Variants in GAS6 observed in about 807,000 individuals in gnomAD.
The protein encoded by GAS6 is growth arrest specific 6.
In GAS6, 41 loss-of-function variants were observed where a neutral mutation model predicts 75.8. The observed-to-expected ratio is 0.54, with a 90% CI of 0.42 to 0.70. The LOEUF is 0.70. Ranked by LOEUF, GAS6 falls within the 30% of genes least tolerant of loss-of-function variation. The probability of loss-of-function intolerance (pLI) is 0.00; values close to 1 mark genes in which losing one functional copy is unlikely to be tolerated. For missense variants in GAS6, 854 were observed against 940.2 expected (o/e 0.91, Z 1.20); for synonymous variants, 432 against 412.6 (o/e 1.05, Z -0.57).
chr13:113,843,187 C>T (rs1274528049), intron 4 of GAS6: 2 of 243,680 alleles, frequency 8.2e-6, no homozygotes, highest in Admixed American at 1.1e-4. Context: ...CCCCGCCCAC[C>T]TCCCTGATCC....
At chr13:113,840,530 C>T (rs183682448) in intron 4 of GAS6, 17 of 152,416 alleles carry the variant, frequency 1.1e-4, no homozygotes, top group Admixed American at 2.6e-4. Flanking sequence ...GTCCCCCATC[C>T]GAGAAGCTGC....
At position 113,844,122 on chromosome 13, in the gene GAS6, AGGGAGAG is replaced by A. The variant is rs1477227205; in HGVS notation, c.343+2398_343+2404del. On this transcript the variant is annotated intron_variant, in intron 4 of 14. Coordinates refer to ENST00000327773, the MANE Select transcript of GAS6 (RefSeq NM_000820.4). This position sits in a 1 kb window ranked among gnomAD's most constrained non-coding sequence, Gnocchi z 5.7. ...CAGGGCAGCCTCTGAGGGCCGGCTC[AGGGAGAG>A]TGGCCGGAGCTTCTGGCCTGGGGCA... is the stretch of plus-strand genomic sequence containing the variant. 1 of 150,886 alleles carries A rather than the reference AGGGAGAG, an allele frequency of 6.6e-6. No homozygotes were observed. Among genetic ancestry groups the A allele is most frequent in the African/African-American group, 2.5e-5 (1 of 40,212 alleles). The allele number at this position is 150,886 out of a possible 1,614,324, so 9.3% of individuals were successfully genotyped here.
intron 2 of GAS6, among the ~76,000 whole-genome samples, chr13:113,858,178 AAAGAG>A (rs763702094): frequency 1.3e-3 from 204 of 152,360 alleles, no homozygotes; most frequent in Admixed American, 4.6e-3. Flanking sequence ...AAAGTTGTAG[AAAGAG>A]AAAAGTGTGT....
rs538092019 is a variant in GAS6 at position 113,820,695 on chromosome 13, C to G, written c.*169G>C. 3.8e-6 allele frequency: 3 copies of G among 785,868 alleles called. No homozygotes were observed. The highest frequency in any genetic ancestry group is 2.9e-5 in the Admixed American group (1 of 34,146). 48.7% of individuals were successfully genotyped at this position (785,868 alleles called of 1,614,324 possible). A position where few individuals can be genotyped will look rare whatever the true frequency, so the allele number is the denominator to read the frequency against. On this transcript the variant is annotated 3_prime_UTR_variant, in exon 15 of 15. Transcript: ENST00000327773. ...GCGCCCGGGCCCACGGCTGAGTGCG[C>G]GGCGTCAGAGGCCCCAAGTCCATCT...
In GAS6 at chr13:113,832,493, GCACC is replaced by G; in HGVS notation, c.954-9_954-6del. The G allele has an allele frequency of 6.3e-7, 1 of 1,595,926 alleles. No homozygotes were observed. The highest frequency in any genetic ancestry group is 1.1e-5 in the South Asian group (1 of 88,792). ...AAGTCAAACTCAGCTACCAGCCTGGGCACCCACAGGAGAAATGAGTCAGCACTGG... is the reference window on the plus strand; with the variant it reads ...AAGTCAAACTCAGCTACCAGCCTGGGCACAGGAGAAATGAGTCAGCACTGG... On this transcript the variant is annotated splice_region_variant and splice_polypyrimidine_tract_variant and intron_variant, in intron 9 of 14. Transcript: ENST00000327773.
chr13:113,842,422 C>T, intron 4 of GAS6: 1 of 395,012 alleles, frequency 2.5e-6, no homozygotes. Flanking sequence ...GGACCAGGAC[C>T]AGGGATTCTG....
chr13:113,832,682 C>T lies in GAS6; in HGVS notation c.905G>A (p.Ser302Asn), dbSNP rs374837053. The T allele has an allele frequency of 6.2e-7, 1 of 1,612,768 alleles. No individual in the cohort carries two copies. Among genetic ancestry groups the T allele is most frequent in the Non-Finnish European group, 8.5e-7 (1 of 1,179,976 alleles). ...VKSLYLGRMF[S>N]GTPVIRLRFK... ...GCGCAGTCGGATCACGGGGGTCCCA[C>T]TGAACATCCGGCCCAGGTACAAGGA... The change falls in exon 9 of 15, where the codon AGT becomes AAT. Residue 302 changes from serine (S) to asparagine (N), a missense_variant. By Grantham distance (46) the Ser-to-Asn change is conservative. Coordinates refer to ENST00000327773, the MANE Select transcript of GAS6 (RefSeq NM_000820.4).
At position 113,832,349 on chromosome 13, in the gene GAS6, C is replaced by A; in HGVS notation, c.1093G>T (p.Gly365Cys). ...ACCGGGCCGCTGCTGGTGACACGGC[C>A]GACACCGTTGTAGCGCAGCTGCAGC... ...LELQLRYNGV[G>C]RVTSSGPVIN... The change falls in exon 10 of 15, where the codon GGC (glycine) becomes TGC (cysteine). Residue 365 changes from glycine to cysteine, a missense_variant. Transcript: ENST00000327773. 1.2e-6 allele frequency: 2 copies of A among 1,605,898 alleles called. No homozygotes were observed. The highest frequency in any genetic ancestry group is 8.5e-7 in the Non-Finnish European group (1 of 1,179,854).
chr13:113,840,652 C>T (rs749551194), intron 4 of GAS6: 1 of 152,272 alleles, frequency 6.6e-6, no homozygotes, highest in Non-Finnish European at 1.5e-5. Flanking sequence ...TTACGCAAGC[C>T]TGAGCCCCGG....
At chr13:113,834,514 C>G (rs2051674955) in intron 8 of GAS6, 37 bp downstream of exon 8, 1 of 1,475,136 alleles carries the variant, frequency 6.8e-7, no homozygotes, top group South Asian at 1.4e-5. Context: ...GCCCCCGGAA[C>G]CACCGTGAAG....
chr13:113,825,132 C>T (rs1409762647), intron 12 of GAS6, among the ~76,000 whole-genome samples: 4 of 148,740 alleles, frequency 2.7e-5, no homozygotes, highest in African/African-American at 7.5e-5. Flanking sequence ...GCAGGAGAAT[C>T]GCTTGAACCT....
At chr13:113,831,294 G>A (rs2051627133) in intron 10 of GAS6, among the ~76,000 whole-genome samples, 1 of 152,174 alleles carries the variant, frequency 6.6e-6, no homozygotes, top group Admixed American at 6.5e-5. Flanking sequence ...CTGGACCCTT[G>A]GCATGCATGG....
At chr13:113,847,846 A>G (rs2051845949) in intron 3 of GAS6, 180 bp downstream of exon 3, 1 of 663,544 alleles carries the variant, frequency 1.5e-6, no homozygotes, top group Non-Finnish European at 2.7e-6. Flanking sequence ...AAGCTGTGGT[A>G]TAAAATAAAG....
chr13:113,832,869 AC>A (rs1335950693), intron 8 of GAS6, 117 bp from the exon 9 acceptor site: 3 of 1,522,006 alleles, frequency 2.0e-6, no homozygotes, highest in Non-Finnish European at 2.6e-6. Context: ...GGGAGTGGCC[AC>A]CCCGCCTCTA....
intron 12 of GAS6, among the ~76,000 whole-genome samples, chr13:113,825,607 G>T (rs1353069673): frequency 6.6e-6 from 1 of 152,322 alleles, no homozygotes; most frequent in Non-Finnish European, 1.5e-5. Context: ...GCCTGCATAA[G>T]GTTACCCCTG....
At chr13:113,842,939 C>A in intron 4 of GAS6, 1 of 396,684 alleles carries the variant, frequency 2.5e-6, no homozygotes, top group South Asian at 1.3e-4. Flanking sequence ...TAAGCGGTCC[C>A]CAGACTCATG....
chr13:113,835,442 G>T, intron 7 of GAS6, 71 bp downstream of exon 7: 1 of 1,562,024 alleles, frequency 6.4e-7, no homozygotes, highest in South Asian at 1.1e-5. Context: ...CAACCGGCTC[G>T]GGCAGTGACT....
chr13:113,839,791 C>G lies in GAS6; in HGVS notation c.403G>C (p.Asp135His). 6.2e-7 allele frequency: 1 copy of G among 1,614,058 alleles called. No individual in the cohort carries two copies. Among genetic ancestry groups the G allele is most frequent in the South Asian group, 1.1e-5 (1 of 91,086 alleles). The part of the protein sequence containing the change: ...CDRKGTQACQ[D>H]LMGNFFCLCK... ...AGGCAGAAGAAGTTGCCCATGAGGT[C>G]CTGGCAGGCTTGGGTCCCCTTCCTA... The change falls in exon 5 of 15, where the codon GAC becomes CAC. Residue 135 changes from aspartate to histidine, a missense_variant. Asp to His is a moderately conservative substitution (Grantham distance 81). Transcript: ENST00000327773.
intron 3 of GAS6, 58 bp from the exon 4 acceptor site, chr13:113,846,647 A>G: frequency 6.9e-7 from 1 of 1,446,388 alleles, no homozygotes; most frequent in South Asian, 1.1e-5. Context: ...TGGACTGCAG[A>G]GCCTCTGCTT....
Sources: gnomAD v4.1 joint callset for allele counts (sites outside exome capture counted in the v4.1 genomes callset) on GRCh38, gnomAD v4.1.1 for gene constraint, Gnocchi (gnomAD v3.1) non-coding constraint, MANE v1.5 for transcripts, NCBI Gene and HGNC (gene_info 2026-07-23, HGNC 2026-07-21) for gene names.